The following MDN1 variants were observed in gnomAD, a reference collection of about 807,000 sequenced individuals.
MDN1 encodes midasin AAA ATPase 1.
MDN1 carries 266 observed loss-of-function variants against 669.2 expected under a neutral mutation model. The observed-to-expected ratio is 0.40, with a 90% CI of 0.36 to 0.44. The LOEUF is 0.44. Among genes scored for constraint, MDN1 ranks in the 20% least tolerant of loss-of-function variants. The pLI is 1.00. For synonymous variants in MDN1, 2,385 were observed against 2,457.1 expected (o/e 0.97, Z 0.87); for missense variants, 5,940 against 6,754.0 (o/e 0.88, Z 4.22).
chr6:89,814,934 G>A (rs1768713270), intron 1 of MDN1: 7 of 481,638 alleles, frequency 1.5e-5, no homozygotes, highest in South Asian at 8.8e-5. Flanking sequence ...GCTGCAGCTC[G>A]CTCAGCTAAG....
rs931458223 is a variant in MDN1 at position 89,699,834 on chromosome 6, C to T, written c.8871-107G>A. 1.4e-5 allele frequency: 18 copies of T among 1,270,414 alleles called. 1 individual carries two copies. In the African/African-American group the frequency reaches 2.7e-4, roughly 19 times the overall value. 78.7% of individuals were successfully genotyped at this position (1,270,414 alleles called of 1,614,324 possible). On this transcript the variant is annotated intron_variant, in intron 57 of 101. Coordinates refer to ENST00000369393, the MANE Select transcript of MDN1 (RefSeq NM_014611.3). ...AACATAAAACTTACAGTACATTTAT[C>T]TAAAAATGAACAACTCTACTGATAA...
At chr6:89,775,779 AG>A (rs1818325895) in intron 12 of MDN1, among the ~76,000 whole-genome samples, 1 of 152,026 alleles carries the variant, frequency 6.6e-6, no homozygotes, top group Non-Finnish European at 1.5e-5. Context: ...TCTGCCTCCT[AG>A]GTTCAAGTGA....
intron 18 of MDN1, 118 bp downstream of exon 18, chr6:89,758,698 T>C: frequency 9.0e-7 from 1 of 1,105,072 alleles, no homozygotes; most frequent in Non-Finnish European, 1.3e-6. Flanking sequence ...ATCTAAAGAA[T>C]GAACAAATTC....
At chr6:89,815,660 C>T (rs1274672710) in intron 1 of MDN1, among the ~76,000 whole-genome samples, 1 of 152,180 alleles carries the variant, frequency 6.6e-6, no homozygotes, top group Non-Finnish European at 1.5e-5. Flanking sequence ...CCCAAGGGGA[C>T]TCTTGGGTTT....
At chr6:89,743,011 G>C (rs1816372116) in intron 31 of MDN1, 139 bp downstream of exon 31, 1 of 1,023,844 alleles carries the variant, frequency 9.8e-7, no homozygotes, top group Non-Finnish European at 1.4e-6. Flanking sequence ...GAGCCCAGAA[G>C]TTTGAGGCTA....
intron 93 of MDN1, among the ~76,000 whole-genome samples, chr6:89,653,713 T>G (rs1437225410): frequency 6.6e-6 from 1 of 152,240 alleles, no homozygotes; most frequent in African/African-American, 2.4e-5. Context: ...GAAGCTATTT[T>G]TTTTGCCAAG....
rs185127042 is a variant in MDN1 at position 89,724,953 on chromosome 6, C to T, written c.5670+246G>A. Among the ~76,000 whole-genome samples, 271 of 152,292 alleles carry T rather than the reference C, an allele frequency of 1.8e-3. 2 individuals carry two copies. The highest frequency in any genetic ancestry group is 6.8e-3 in the Middle Eastern group (2 of 294). ...TCATCCCAGAGTGCAGTCACAGAAT[C>T]CTGAAAAGGCTGGGGACCTTACTTT... On this transcript the variant is annotated intron_variant, in intron 38 of 101. Transcript: ENST00000369393.
chr6:89,734,899 G>GT (rs200183493), intron 33 of MDN1, among the ~76,000 whole-genome samples: 27,872 of 145,494 alleles, frequency 0.19, 2,812 homozygotes, highest in South Asian at 0.32. Context: ...TTTCTTGGTT[G>GT]TTTTTTTTTT....
intron 53 of MDN1, among the ~76,000 whole-genome samples, chr6:89,704,470 A>T (rs1013127526): frequency 6.6e-6 from 1 of 152,240 alleles, no homozygotes; most frequent in African/African-American, 2.4e-5. Flanking sequence ...GTGACTTTTT[A>T]CTTATTTATA....
intron 63 of MDN1, among the ~76,000 whole-genome samples, chr6:89,691,184 C>T (rs1584199424): frequency 6.6e-6 from 1 of 152,192 alleles, no homozygotes; most frequent in East Asian, 1.9e-4. Context: ...GTTCAGACAA[C>T]ACCTGGGTGG....
At chr6:89,753,445 A>T in intron 22 of MDN1, 67 bp downstream of exon 22, 1 of 1,254,910 alleles carries the variant, frequency 8.0e-7, no homozygotes, top group Non-Finnish European at 1.1e-6. Flanking sequence ...AAAAAAAACC[A>T]AACAGCTGAA....
At position 89,796,248 on chromosome 6, in the gene MDN1, C is replaced by T. The variant is rs150177393; in HGVS notation, c.330-1447G>A. On this transcript the variant is annotated intron_variant, in intron 2 of 101. Coordinates refer to ENST00000369393, the MANE Select transcript of MDN1 (RefSeq NM_014611.3). ...CTGAGGCAGGAGAATCACTTGAGCC[C>T]GAGACACGGAGGTTATAGTGAGCCA... Among the ~76,000 whole-genome samples, 781 of 136,296 alleles carry T rather than the reference C, an allele frequency of 5.7e-3. 6 individuals are homozygous for T. Among genetic ancestry groups the T allele is most frequent in the Non-Finnish European group, 8.9e-3 (593 of 66,282 alleles). 89.4% of individuals were successfully genotyped at this position (136,296 alleles called of 152,430 possible).
chr6:89,809,215 CAAAAAAAAAAA>C (rs1167270500), intron 1 of MDN1, among the ~76,000 whole-genome samples: 3 of 59,296 alleles, frequency 5.1e-5, no homozygotes, highest in East Asian at 5.1e-4. Flanking sequence ...GACACTGTCT[CAAAAAAAAAAA>C]AAAAAAAAAA....
At position 89,780,365 on chromosome 6, in the gene MDN1, T is replaced by C. The variant is rs1047713456; in HGVS notation, c.1644-72A>G. On this transcript the variant is annotated intron_variant, in intron 10 of 101. Coordinates refer to ENST00000369393, the MANE Select transcript of MDN1 (RefSeq NM_014611.3). ...CCAAAGACATCAAAGGCATCAGAATTTATTGACCCACTTAAGTCTGGGCAT... is the reference window on the plus strand; with the variant it reads ...CCAAAGACATCAAAGGCATCAGAATCTATTGACCCACTTAAGTCTGGGCAT... The C allele has an allele frequency of 4.4e-6, 4 of 915,308 alleles. No individual in the cohort carries two copies. In the Admixed American group the frequency reaches 1.2e-4, roughly 28 times the overall value. The allele number at this position is 915,308 out of a possible 1,614,324, so 56.7% of individuals were successfully genotyped here.
chr6:89,767,773 T>C (rs1349575788), intron 15 of MDN1, among the ~76,000 whole-genome samples: 1 of 151,738 alleles, frequency 6.6e-6, no homozygotes, highest in African/African-American at 2.4e-5. Context: ...AGGCTGGGGA[T>C]GGTGGCTCAC....
At chr6:89,781,268 T>C (rs1487089092) in intron 10 of MDN1, 131 bp downstream of exon 10, 1 of 809,160 alleles carries the variant, frequency 1.2e-6, no homozygotes, top group African/African-American at 1.7e-5. Flanking sequence ...GGTAAGAACT[T>C]TGAACCTAGG....
At chr6:89,698,796 T>C in intron 59 of MDN1, 69 bp downstream of exon 59, 1 of 1,501,780 alleles carries the variant, frequency 6.7e-7, no homozygotes, top group Non-Finnish European at 9.2e-7. Flanking sequence ...AATAAATGTT[T>C]ATTGATAGAT....
At position 89,645,074 on chromosome 6, in the gene MDN1, C is replaced by T; in HGVS notation, c.16543G>A (p.Ala5515Thr). The T allele has an allele frequency of 6.2e-7, 1 of 1,611,742 alleles. No individual in the cohort carries two copies. The highest frequency in any genetic ancestry group is 8.5e-7 in the Non-Finnish European group (1 of 1,177,980). The part of the protein sequence containing the change: ...GKERVLAAVQ[A>T]ARNANIFVIF... ...ACAAAGATATTTGCATTCCGGGCAGCCTGAACTGCTGCCAGGACTCTTTCT... is the reference window on the plus strand; with the variant it reads ...ACAAAGATATTTGCATTCCGGGCAGTCTGAACTGCTGCCAGGACTCTTTCT... The change falls in exon 101 of 102, where the codon GCT becomes ACT. Residue 5515 changes from alanine to threonine, a missense_variant. Transcript: ENST00000369393.
At chr6:89,766,802 T>C (rs1332625676) in intron 15 of MDN1, among the ~76,000 whole-genome samples, 2 of 152,276 alleles carry the variant, frequency 1.3e-5, no homozygotes, top group African/African-American at 4.8e-5. Flanking sequence ...TCAAATTGCA[T>C]GCTCCTGCCA....
Sources: allele counts gnomAD v4.1 joint callset (sites outside exome capture counted in the v4.1 genomes callset), GRCh38; gene constraint gnomAD v4.1.1; transcripts MANE v1.5; gene names NCBI Gene and HGNC (gene_info 2026-07-23, HGNC 2026-07-21).